Variants in MGLL observed in about 807,000 individuals in gnomAD.
MGLL encodes the protein monoglyceride lipase.
A neutral mutation model predicts 29.1 loss-of-function variants in MGLL; 7 were observed. The ratio of observed to expected loss-of-function variants is 0.24; its 90% CI spans 0.14 to 0.45. MGLL has a LOEUF of 0.45. Ranked by LOEUF, MGLL falls within the 20% of genes least tolerant of loss-of-function variation. The pLI, the probability that MGLL is intolerant of heterozygous loss-of-function variation, is 0.99. For missense variants in MGLL, 356 were observed against 413.6 expected, an observed-to-expected ratio of 0.86 and a Z score of 1.21; for synonymous variants, 148 against 168.3, an observed-to-expected ratio of 0.88 and a Z score of 0.93.
At chr3:127,736,489 T>TCCCAG in intron 3 of MGLL, 1 of 347,506 alleles carries the variant, frequency 2.9e-6, no homozygotes, top group Non-Finnish European at 4.0e-6. Flanking sequence ...GCTTCATGCA[T>TCCCAG]CCCTGCCCAG....
chr3:127,741,324 G>C (rs1298597931), intron 3 of MGLL, among the ~76,000 whole-genome samples: 2 of 152,210 alleles, frequency 1.3e-5, no homozygotes, highest in Non-Finnish European at 2.9e-5. Context: ...GCTTTCTTGG[G>C]GGGGAAAGTG....
intron 2 of MGLL, among the ~76,000 whole-genome samples, chr3:127,787,524 G>A (rs1243159216): frequency 3.3e-5 from 5 of 152,364 alleles, no homozygotes; most frequent in East Asian, 1.9e-4. Context: ...GGAACGTTCC[G>A]TTCATTTTCT....
chr3:127,727,204 G>T (rs890408648), intron 3 of MGLL, among the ~76,000 whole-genome samples: 6 of 152,106 alleles, frequency 3.9e-5, no homozygotes, highest in Non-Finnish European at 7.4e-5. Flanking sequence ...CCTTGTCCCA[G>T]ATTTGGAATT....
intron 3 of MGLL, among the ~76,000 whole-genome samples, chr3:127,760,615 A>C (rs902913065): frequency 3.9e-5 from 6 of 152,192 alleles, no homozygotes; most frequent in African/African-American, 1.4e-4. Context: ...CCGCTGCGGC[A>C]CTTCTGTCAG....
chr3:127,731,726 G>A (rs1056388820), intron 3 of MGLL, among the ~76,000 whole-genome samples: 6 of 152,178 alleles, frequency 3.9e-5, no homozygotes, highest in African/African-American at 1.4e-4. Context: ...CCGGCCCACA[G>A]TTCCCTCTCC....
At chr3:127,767,475 C>G (rs2076878931) in intron 3 of MGLL, among the ~76,000 whole-genome samples, 1 of 152,196 alleles carries the variant, frequency 6.6e-6, no homozygotes, top group Non-Finnish European at 1.5e-5. Flanking sequence ...GGGGCTGGAC[C>G]TTAGCTTGTG....
intron 2 of MGLL, among the ~76,000 whole-genome samples, chr3:127,802,176 C>T (rs1487356464): frequency 6.6e-6 from 1 of 152,204 alleles, no homozygotes; most frequent in African/African-American, 2.4e-5. Flanking sequence ...CCATACCACA[C>T]AGCACAGGCC....
chr3:127,698,160 G>A (rs2075408890), intron 6 of MGLL, among the ~76,000 whole-genome samples: 1 of 152,196 alleles, frequency 6.6e-6, no homozygotes, highest in African/African-American at 2.4e-5. Flanking sequence ...GCCACCAGAT[G>A]TGTCAGAGAA....
chr3:127,822,123 C>A, intron 1 of MGLL, 186 bp downstream of exon 1: 1 of 717,324 alleles, frequency 1.4e-6, no homozygotes, highest in Non-Finnish European at 2.3e-6. Context: ...GAAACTTCAT[C>A]TTAAAGACTA....
chr3:127,804,102 T>C (rs554079714), intron 2 of MGLL, among the ~76,000 whole-genome samples: 3 of 152,310 alleles, frequency 2.0e-5, no homozygotes, highest in Non-Finnish European at 4.4e-5. Flanking sequence ...AGAAATAATA[T>C]GAAATTTAAA....
intron 3 of MGLL, among the ~76,000 whole-genome samples, chr3:127,779,696 T>C (rs2077091614): frequency 6.6e-6 from 1 of 152,164 alleles, no homozygotes; most frequent in African/African-American, 2.4e-5. Flanking sequence ...GTAAAATCAG[T>C]TAGCGTCAGA....
chr3:127,818,723 C>T (rs1234425928), intron 2 of MGLL, among the ~76,000 whole-genome samples: 1 of 152,174 alleles, frequency 6.6e-6, no homozygotes, highest in Non-Finnish European at 1.5e-5. Context: ...AATCCCACTA[C>T]TGCCAGCAGG....
At chr3:127,694,024 C>T (rs1257674178) in intron 7 of MGLL, among the ~76,000 whole-genome samples, 1 of 152,076 alleles carries the variant, frequency 6.6e-6, no homozygotes, top group African/African-American at 2.4e-5. Flanking sequence ...GCAATCCCAG[C>T]ACTTTGGGAG....
intron 2 of MGLL, among the ~76,000 whole-genome samples, chr3:127,815,076 G>C (rs1161035416): frequency 6.6e-6 from 1 of 152,090 alleles, no homozygotes; most frequent in East Asian, 1.9e-4. Flanking sequence ...TCCTCCTTGT[G>C]GGGAGAGGGT....
chr3:127,724,077 C>G (rs2075987245), intron 3 of MGLL, among the ~76,000 whole-genome samples: 1 of 152,156 alleles, frequency 6.6e-6, no homozygotes, highest in Admixed American at 6.5e-5. Context: ...CCTGCTGATG[C>G]CCTGATCTTG....
intron 2 of MGLL, among the ~76,000 whole-genome samples, chr3:127,784,400 C>T (rs2077179031): frequency 3.9e-5 from 6 of 152,184 alleles, no homozygotes. Context: ...TGGTGCTGCT[C>T]AGAGGCTAAG....
intron 7 of MGLL, among the ~76,000 whole-genome samples, chr3:127,693,807 G>A (rs1710380619): frequency 2.0e-5 from 3 of 152,140 alleles, no homozygotes; most frequent in Non-Finnish European, 4.4e-5. Flanking sequence ...GAAACTTAGG[G>A]CCCCATAAAT....
In MGLL at chr3:127,821,735, C is replaced by T. The variant is rs894225560; in HGVS notation, c.114G>A (p.Gln38=). The change falls in exon 2 of 8, where the codon CAG becomes CAA. Residue 38 remains glutamine, a synonymous_variant. Transcript: ENST00000265052. ...GTTTCCAGTACCTGCAGAAGAGGTACTGTCCGTCTGCATTGACCAGGTGAG... is the reference window on the plus strand; with the variant it reads ...GTTTCCAGTACCTGCAGAAGAGGTATTGTCCGTCTGCATTGACCAGGTGAG... ...DLPHLVNADG[Q]YLFCRYWKPT... is the part of the protein sequence containing the mutation. 2 of 1,614,152 alleles carry T rather than the reference C, an allele frequency of 1.2e-6. No homozygotes were observed. Among genetic ancestry groups the T allele is most frequent in the Non-Finnish European group, 1.7e-6 (2 of 1,180,020 alleles).
intron 6 of MGLL, among the ~76,000 whole-genome samples, chr3:127,704,595 C>T (rs560313564): frequency 5.3e-5 from 8 of 152,120 alleles, no homozygotes; most frequent in Non-Finnish European, 8.8e-5. Context: ...TGAATAGACA[C>T]TTTTCAAAAG....
Sources: allele counts gnomAD v4.1 joint callset (sites outside exome capture counted in the v4.1 genomes callset), GRCh38; gene constraint gnomAD v4.1.1; transcripts MANE v1.5; gene names NCBI Gene and HGNC (gene_info 2026-07-23, HGNC 2026-07-21).